PAX8: variants seen among roughly 807,000 people sequenced by gnomAD.
PAX8 encodes the protein paired box 8.
PAX8 carries 15 observed loss-of-function variants against 52.4 expected under a neutral mutation model. The ratio of observed to expected loss-of-function variants is 0.29; its 90% CI spans 0.19 to 0.44. PAX8 has a LOEUF of 0.44. PAX8 is among the 20% of genes least tolerant of loss of function. The pLI is 1.00. For missense variants in PAX8, 554 were observed against 602.5 expected (o/e 0.92, Z 0.84); for synonymous variants, 284 against 249.7 (o/e 1.14, Z -1.29).
chr2:113,270,682 TTC>T (rs1693407992), intron 2 of PAX8: 1 of 152,172 alleles, frequency 6.6e-6, no homozygotes, highest in African/African-American at 2.4e-5. Flanking sequence ...ATTAAGCCAT[TTC>T]TCTCTTAGGT....
chr2:113,231,683 G>A (rs1689900701), intron 9 of PAX8, among the ~76,000 whole-genome samples: 1 of 152,210 alleles, frequency 6.6e-6, no homozygotes, highest in Admixed American at 6.5e-5. Context: ...CTGGTCTGCA[G>A]CATTACTTAG....
At position 113,220,377 on chromosome 2, in the gene PAX8, GC is replaced by G. The variant is rs1348392823; in HGVS notation, c.1190-200del. On this transcript the variant is annotated intron_variant, in intron 10 of 11. Transcript: ENST00000429538. ...AACCCATCGATCTGGAAAATTTGGG[GC>G]AGTGTCCTTTTCCGTAGGTACTGGA... The G allele has an allele frequency of 1.7e-5, 10 of 585,944 alleles. No homozygotes were observed. The East Asian group carries it at 2.6e-4, about 15-fold the overall frequency. 36.3% of individuals were successfully genotyped at this position (585,944 alleles called of 1,614,324 possible).
Position 113,218,576 on chromosome 2 carries a change from G to C in PAX8, c.1310C>G (p.Pro437Arg). ...CGTGGCAGTGGTGGGCGGTGCACTC[G>C]GCCTTGATGTGGAACTGTAATAATA... ...SPYYYSSTSR[P>R]SAPPTTATAF... The change falls in exon 12 of 12, where the codon CCG becomes CGG. Residue 437 changes from proline to arginine, a missense_variant. Physicochemically the swap from Pro to Arg is moderately radical, Grantham distance 103. Coordinates refer to ENST00000429538, the MANE Select transcript of PAX8 (RefSeq NM_003466.4). The C allele has an allele frequency of 6.4e-7, 1 of 1,559,818 alleles. No individual in the cohort carries two copies. Among genetic ancestry groups the C allele is most frequent in the Non-Finnish European group, 8.7e-7 (1 of 1,151,670 alleles).
At chr2:113,235,346 T>A (rs945928849) in intron 9 of PAX8, 48 bp downstream of exon 9, 22 of 1,499,862 alleles carry the variant, frequency 1.5e-5, no homozygotes, top group Non-Finnish European at 2.0e-5. Context: ...AGGACCCCCG[T>A]CCCACCCGCC....
In PAX8 at chr2:113,244,448, G is replaced by A; in HGVS notation, c.368C>T (p.Pro123Leu). ...AEGVCDNDTV[P>L]SVSSINRIIR... ...TTACCTATTAATGGAGCTGACACTG[G>A]GCACAGTGTCATTGTCACAGACGCC... The change falls in exon 4 of 12, where the codon CCC becomes CTC. Residue 123 changes from proline to leucine, a missense_variant. Transcript: ENST00000429538. The A allele has an allele frequency of 1.2e-6, 2 of 1,612,866 alleles. No individual in the cohort carries two copies. The highest frequency in any genetic ancestry group is 1.7e-6 in the Non-Finnish European group (2 of 1,178,902).
intron 10 of PAX8, among the ~76,000 whole-genome samples, chr2:113,223,136 T>C (rs1165974252): frequency 6.6e-6 from 1 of 152,072 alleles, no homozygotes. Flanking sequence ...ACTGGACATT[T>C]AGTAGGCATC....
chr2:113,228,840 G>A (rs1220374203), intron 9 of PAX8, among the ~76,000 whole-genome samples: 2 of 152,148 alleles, frequency 1.3e-5, no homozygotes, highest in South Asian at 2.1e-4. Context: ...CCTTCAAGGG[G>A]TGCCTGGTCA....
At chr2:113,255,972 A>G (rs888355937) in intron 2 of PAX8, among the ~76,000 whole-genome samples, 1 of 149,390 alleles carries the variant, frequency 6.7e-6, no homozygotes, top group Non-Finnish European at 1.5e-5. Flanking sequence ...CTGCATGCAT[A>G]TGCCTGCCAG....
chr2:113,248,979 A>C (rs1691550293), intron 2 of PAX8, among the ~76,000 whole-genome samples: 1 of 145,944 alleles, frequency 6.9e-6, no homozygotes, highest in South Asian at 2.2e-4. Flanking sequence ...AAAAGAAAAA[A>C]AAGGGAGGTG....
In PAX8 at chr2:113,236,629, C is replaced by A. The variant is rs1432017395; in HGVS notation, c.870G>T (p.Ser290=). The A allele has an allele frequency of 6.3e-7, 1 of 1,591,214 alleles. No homozygotes were observed. The highest frequency in any genetic ancestry group is 2.3e-5 in the East Asian group (1 of 43,764). ...PSNTPLGRNL[S]THQTYPVVAD... ...CCACCACGGGGTAGGTCTGGTGAGTCGAGAGGTTGCGCCCCAGTGGCGTGT... is the reference window on the plus strand; with the variant it reads ...CCACCACGGGGTAGGTCTGGTGAGTAGAGAGGTTGCGCCCCAGTGGCGTGT... Residue 290 remains serine (S), a synonymous_variant, in exon 8 of 12, where the codon TCG becomes TCT. Transcript: ENST00000429538.
chr2:113,241,788 A>G, intron 6 of PAX8, 62 bp from the exon 7 acceptor site: 1 of 1,579,760 alleles, frequency 6.3e-7, no homozygotes, highest in Non-Finnish European at 8.7e-7. Flanking sequence ...CTCTAGGCCA[A>G]AGTAGAGGAC....
chr2:113,241,857 G>A, intron 6 of PAX8, 131 bp from the exon 7 acceptor site: 3 of 1,428,170 alleles, frequency 2.1e-6, no homozygotes, highest in Non-Finnish European at 9.8e-7. Flanking sequence ...GGGCCCAGGA[G>A]CCTTGGCCAA....
rs72155714 is a variant in PAX8, at chr2:113,256,630, ATGTGTGTGTGTG to A, written c.26-9723_26-9712del. 1.1e-4 allele frequency among the ~76,000 whole-genome samples: 15 copies of A among 140,126 alleles called. No homozygotes were observed. In the East Asian group the frequency reaches 2.4e-3, roughly 22 times the overall value. 91.9% of individuals were successfully genotyped at this position (140,126 alleles called of 152,430 possible). On this transcript the variant is annotated intron_variant, in intron 2 of 11. Coordinates refer to ENST00000429538, the MANE Select transcript of PAX8 (RefSeq NM_003466.4). ...TATGTGTGTGTGTATATATATATAT[ATGTGTGTGTGTG>A]TGTGTGTGTGTGTATATATATATAT...
chr2:113,220,553 G>GT, intron 10 of PAX8: 1 of 205,460 alleles, frequency 4.9e-6, no homozygotes, highest in South Asian at 8.4e-5. Flanking sequence ...AAACTGTGCT[G>GT]TGAGTGTAGG....
In PAX8 at chr2:113,255,126, G is replaced by GAGGA. The variant is rs546980899; in HGVS notation, c.26-8211_26-8208dup. On this transcript the variant is annotated intron_variant, in intron 2 of 11. Coordinates refer to ENST00000429538, the MANE Select transcript of PAX8 (RefSeq NM_003466.4). Reference sequence around the variant, plus strand: ...GGAGGGAGAGAGGAATAGAGGGAAGGAGGAAGGAAGGAAGGAAGGAAAGAA... The same window carrying GAGGA: ...GGAGGGAGAGAGGAATAGAGGGAAGGAGGAAGGAAGGAAGGAAGGAAGGAAAGAA... Among the ~76,000 whole-genome samples the GAGGA allele has an allele frequency of 6.1e-5, 9 of 147,654 alleles. No individual in the cohort carries two copies. The East Asian group carries it at 8.2e-4, about 13-fold the overall frequency.
Position 113,261,654 on chromosome 2 carries a change from C to G in PAX8, c.26-14735G>C, listed in dbSNP as rs1692688644. Among the ~76,000 whole-genome samples, 3 of 152,180 alleles carry G rather than the reference C, an allele frequency of 2.0e-5. No homozygotes were observed. In the South Asian group the frequency reaches 6.2e-4, roughly 32 times the overall value. ...GAGCTGTCTAATGTCACAGATTCACCTCATGGCAGAACCAAGAAAGAACCT... is the reference window on the plus strand; with the variant it reads ...GAGCTGTCTAATGTCACAGATTCACGTCATGGCAGAACCAAGAAAGAACCT... On this transcript the variant is annotated intron_variant, in intron 2 of 11. Transcript: ENST00000429538.
At chr2:113,268,602 G>C (rs1693248616) in intron 2 of PAX8, 1 of 152,290 alleles carries the variant, frequency 6.6e-6, no homozygotes, top group East Asian at 1.9e-4. Flanking sequence ...GAGCCACAGA[G>C]ATCAAGCCTT....
intron 7 of PAX8, chr2:113,238,773 C>T (rs911460388): frequency 4.6e-5 from 7 of 152,166 alleles, no homozygotes; most frequent in Non-Finnish European, 5.9e-5. Context: ...ATGAGGCTGA[C>T]GTAAGCATTA....
intron 2 of PAX8, chr2:113,272,498 CA>C (rs1693526755): frequency 6.6e-6 from 1 of 152,102 alleles, no homozygotes; most frequent in Non-Finnish European, 1.5e-5. Context: ...TGTAGATAAA[CA>C]AAGACGAGTG....
Sources: allele counts gnomAD v4.1 joint callset (sites outside exome capture counted in the v4.1 genomes callset), GRCh38; gene constraint gnomAD v4.1.1; transcripts MANE v1.5; gene names NCBI Gene and HGNC (gene_info 2026-07-23, HGNC 2026-07-21).